KDM4C: variants seen among roughly 807,000 people sequenced by gnomAD.
KDM4C encodes lysine-specific demethylase 4C.
KDM4C carries 81 observed loss-of-function variants against 129.3 expected under a neutral mutation model. The observed-to-expected ratio is 0.63, with a 90% CI of 0.52 to 0.75. KDM4C has a LOEUF of 0.75. KDM4C is among the 30% of genes least tolerant of loss of function. KDM4C has a pLI of 0.00. For synonymous variants in KDM4C, 573 were observed against 456.1 expected (o/e 1.26, Z -3.26); for missense variants, 1,457 against 1,304.0 (o/e 1.12, Z -1.81).
At chr9:7,057,006 A>G (rs1448977549) in intron 17 of KDM4C, among the ~76,000 whole-genome samples, 7 of 152,230 alleles carry the variant, frequency 4.6e-5, no homozygotes, top group African/African-American at 1.4e-4. Flanking sequence ...ATTGAAAGCA[A>G]GAGAGGTTAT....
At chr9:6,745,174 G>A (rs570192008) in intron 1 of KDM4C, among the ~76,000 whole-genome samples, 37 of 152,268 alleles carry the variant, frequency 2.4e-4, no homozygotes, top group African/African-American at 8.9e-4. Flanking sequence ...GAGAGTCAAG[G>A]AAAATTTGAT....
intron 11 of KDM4C, 57 bp downstream of exon 11, chr9:6,986,723 A>C: frequency 1.6e-6 from 2 of 1,268,128 alleles, no homozygotes; most frequent in Non-Finnish European, 2.2e-6. Context: ...GCACATTTTG[A>C]AAACAACATG....
At chr9:7,130,864 T>A (rs1180605139) in intron 19 of KDM4C, among the ~76,000 whole-genome samples, 1 of 151,892 alleles carries the variant, frequency 6.6e-6, no homozygotes, top group Non-Finnish European at 1.5e-5. Flanking sequence ...GCTCCGGTGA[T>A]CCTCTCGCCT....
intron 8 of KDM4C, among the ~76,000 whole-genome samples, chr9:6,965,944 T>C (rs888035871): frequency 6.6e-6 from 1 of 152,214 alleles, no homozygotes; most frequent in Admixed American, 6.5e-5. Context: ...ATAAGTTTGG[T>C]TTAACATTTA....
chr9:7,163,455 C>T (rs766689365), intron 19 of KDM4C, among the ~76,000 whole-genome samples: 3 of 152,086 alleles, frequency 2.0e-5, no homozygotes, highest in Non-Finnish European at 4.4e-5. Flanking sequence ...TTGTAAAAGG[C>T]TAAGAGGGGG....
chr9:7,076,832 AT>A (rs1833980041), intron 17 of KDM4C: 2 of 1,008,578 alleles, frequency 2.0e-6, no homozygotes, highest in African/African-American at 3.4e-5. Flanking sequence ...AAAAATTGTC[AT>A]TGGAATCAAA....
chr9:6,818,221 C>T (rs1832475214), intron 4 of KDM4C, among the ~76,000 whole-genome samples: 1 of 152,168 alleles, frequency 6.6e-6, no homozygotes, highest in South Asian at 2.1e-4. Context: ...TCCAATATTG[C>T]TTTCCAGAAG....
chr9:7,134,188 C>T (rs1189259107), intron 19 of KDM4C, among the ~76,000 whole-genome samples: 2 of 152,216 alleles, frequency 1.3e-5, no homozygotes, highest in Admixed American at 1.3e-4. Flanking sequence ...TGGCCTTTCA[C>T]TCTTTAGGGT....
intron 3 of KDM4C, among the ~76,000 whole-genome samples, chr9:6,814,178 C>T (rs1588457100): frequency 6.6e-6 from 1 of 152,126 alleles, no homozygotes; most frequent in Non-Finnish European, 1.5e-5. Flanking sequence ...TTAATATATT[C>T]AGCATTTACC....
chr9:7,106,551 G>C (rs1221137997), intron 18 of KDM4C, among the ~76,000 whole-genome samples: 2 of 152,096 alleles, frequency 1.3e-5, no homozygotes, highest in African/African-American at 4.8e-5. Flanking sequence ...TCACTTTAGG[G>C]TTTTTGATTC....
intron 18 of KDM4C, among the ~76,000 whole-genome samples, chr9:7,110,373 C>T (rs1838181719): frequency 6.6e-6 from 1 of 152,106 alleles, no homozygotes; most frequent in Non-Finnish European, 1.5e-5. Context: ...TCAAATGGTT[C>T]AGGGTTCATG....
intron 8 of KDM4C, among the ~76,000 whole-genome samples, chr9:6,908,876 C>G (rs1818788025): frequency 6.6e-6 from 1 of 152,084 alleles, no homozygotes; most frequent in African/African-American, 2.4e-5. Flanking sequence ...ATGATTAAAT[C>G]AAATAATGAG....
rs373381901 is a variant in KDM4C, at chr9:7,035,937, T to C, written c.2260-10925T>C. 5.9e-5 allele frequency among the ~76,000 whole-genome samples: 9 copies of C among 152,330 alleles called. No homozygotes were observed. In the East Asian group the frequency reaches 1.7e-3, roughly 29 times the overall value. On this transcript the variant is annotated intron_variant, in intron 15 of 21. Coordinates refer to ENST00000381309, the MANE Select transcript of KDM4C (RefSeq NM_015061.6). ...AGTAGTGTGATGCCTCTAGCTTTGA[T>C]ATTTGCTTAAGCTTGCTTTGGCTAT...
intron 17 of KDM4C, among the ~76,000 whole-genome samples, chr9:7,074,014 C>T (rs114789711): frequency 1.3e-5 from 2 of 152,146 alleles, no homozygotes; most frequent in Admixed American, 6.5e-5. Context: ...TTAAAAAAGA[C>T]AGTTCTAGAC....
At chr9:6,973,846 G>A (rs1478616436) in intron 8 of KDM4C, 2 of 152,194 alleles carry the variant, frequency 1.3e-5, no homozygotes, top group Non-Finnish European at 2.9e-5. Context: ...AGGAGGACAG[G>A]AGATGCTGTG....
At chr9:7,152,884 G>A (rs13289833) in intron 19 of KDM4C, among the ~76,000 whole-genome samples, 23,806 of 152,128 alleles carry the variant, frequency 0.16, 2,241 homozygotes, top group Middle Eastern at 0.29. Context: ...GATTGTGCAT[G>A]TATAGGATGT....
At chr9:6,740,887 G>T (rs1294119079) in intron 1 of KDM4C, among the ~76,000 whole-genome samples, 1 of 151,734 alleles carries the variant, frequency 6.6e-6, no homozygotes, top group Non-Finnish European at 1.5e-5. Flanking sequence ...GATTGCAGTG[G>T]GAGGATCTCG....
chr9:7,108,241 T>A (rs1175313199), intron 18 of KDM4C, among the ~76,000 whole-genome samples: 1 of 152,108 alleles, frequency 6.6e-6, no homozygotes, highest in Non-Finnish European at 1.5e-5. Context: ...CTTTTTTGTT[T>A]TTTATTTTTT....
intron 17 of KDM4C, among the ~76,000 whole-genome samples, chr9:7,052,894 A>AGAGAGCGAGAGAGAGAGAGC: frequency 9.5e-6 from 1 of 105,468 alleles, no homozygotes; most frequent in Non-Finnish European, 2.0e-5. Flanking sequence ...AGAGAGAGAG[A>AGAGAGCGAGAGAGAGAGAGC]GAGAGAGCGA....
Sources: gnomAD v4.1 joint callset for allele counts (sites outside exome capture counted in the v4.1 genomes callset) on GRCh38, gnomAD v4.1.1 for gene constraint, MANE v1.5 for transcripts, NCBI Gene and HGNC (gene_info 2026-07-23, HGNC 2026-07-21) for gene names.